The following NASP variants were observed in gnomAD, a reference collection of about 807,000 sequenced individuals.
NASP encodes NASP histone chaperone.
A neutral mutation model predicts 89.5 loss-of-function variants in NASP; 24 were observed. The ratio of observed to expected loss-of-function variants is 0.27; its 90% CI spans 0.19 to 0.38. The LOEUF is 0.38. Ranked by LOEUF, NASP falls within the 10% of genes least tolerant of loss-of-function variation. The pLI, the probability that NASP is intolerant of heterozygous loss-of-function variation, is 1.00. For missense variants in NASP, 848 were observed against 921.4 expected, an observed-to-expected ratio of 0.92 and a Z score of 1.03; for synonymous variants, 306 against 324.7, an observed-to-expected ratio of 0.94 and a Z score of 0.62.
intron 2 of NASP, among the ~76,000 whole-genome samples, chr1:45,596,509 C>T (rs1431429464): frequency 2.0e-5 from 3 of 152,142 alleles, no homozygotes; most frequent in Admixed American, 6.6e-5. Flanking sequence ...GTGTTCTTAA[C>T]GTTCATCCAT....
intron 1 of NASP, among the ~76,000 whole-genome samples, chr1:45,584,870 C>G (rs1268210482): frequency 6.6e-6 from 1 of 152,214 alleles, no homozygotes; most frequent in Admixed American, 6.5e-5. Context: ...ACCTCGCTCA[C>G]GTCTTGTGCT....
At chr1:45,609,729 G>C (rs1203360649) in intron 6 of NASP, 1 of 152,168 alleles carries the variant, frequency 6.6e-6, no homozygotes, top group African/African-American at 2.4e-5. Context: ...ACAATACTAT[G>C]TGATAGGTAG....
Position 45,601,334 on chromosome 1 carries a change from C to A in NASP, c.108-921C>A, listed in dbSNP as rs2148349104. Among the ~76,000 whole-genome samples the A allele has an allele frequency of 2.0e-5, 3 of 152,264 alleles. No individual in the cohort carries two copies. In the South Asian group the frequency reaches 6.2e-4, roughly 32 times the overall value. On this transcript the variant is annotated intron_variant, in intron 2 of 14. Coordinates refer to ENST00000350030, the MANE Select transcript of NASP (RefSeq NM_002482.4). Reference sequence around the variant, plus strand: ...TATTTAGAAAGCCTATGATCCATTGCAGATTAATTTTTGTATGAGATATGA... The same window carrying A: ...TATTTAGAAAGCCTATGATCCATTGAAGATTAATTTTTGTATGAGATATGA...
chr1:45,602,303 A>G lies in NASP; in HGVS notation c.156A>G (p.Lys52=). Residue 52 remains lysine, a synonymous_variant, in exon 3 of 15, where the codon AAA becomes AAG. Transcript: ENST00000350030. Reference sequence around the variant, plus strand: ...AGAAACTATTGGGTTTAGGACAGAAACATCTGGTGATGGGGGATATTCCAG... The same window carrying G: ...AGAAACTATTGGGTTTAGGACAGAAGCATCTGGTGATGGGGGATATTCCAG... The part of the protein sequence containing the change: ...EAKKLLGLGQ[K]HLVMGDIPAA... 6.2e-7 allele frequency: 1 copy of G among 1,613,796 alleles called. No individual in the cohort carries two copies. The highest frequency in any genetic ancestry group is 2.2e-5 in the East Asian group (1 of 44,858).
intron 9 of NASP, 66 bp downstream of exon 9, chr1:45,614,432 T>A (rs1644067587): frequency 7.9e-7 from 1 of 1,264,890 alleles, no homozygotes; most frequent in Non-Finnish European, 1.2e-6. Flanking sequence ...TCTAATAGAT[T>A]CTCTGGAACC....
In NASP at chr1:45,607,836, G is replaced by A. The variant is rs146584753; in HGVS notation, c.925G>A (p.Val309Met). ...SLDPTVKPVDVGGDEPEEKVV... is the reference protein window; with the variant it reads ...SLDPTVKPVDMGGDEPEEKVV... ...AGACCCGACAGTCAAGCCAGTGGAT[G>A]TGGGTGGGGACGAGCCAGAGGAGAA... The change falls in exon 6 of 15, where the codon GTG (valine) becomes ATG (methionine). Residue 309 changes from valine to methionine, a missense_variant. Around this residue, in one of 5 missense-constraint regions of NASP, gnomAD observed 464 missense variants for 469.4 expected, o/e 0.99. Transcript: ENST00000350030. The A allele has an allele frequency of 1.0e-4, 162 of 1,614,176 alleles. No individual in the cohort carries two copies. The African/African-American group carries it at 2.0e-3, about 20-fold the overall frequency.
chr1:45,584,886 A>G (rs547532065), intron 1 of NASP, among the ~76,000 whole-genome samples: 1 of 152,098 alleles, frequency 6.6e-6, no homozygotes, highest in East Asian at 1.9e-4. Context: ...GTGCTGGGAG[A>G]TAGTTATCGC....
chr1:45,616,211 C>G, intron 11 of NASP, 126 bp from the exon 12 acceptor site: 2 of 841,502 alleles, frequency 2.4e-6, no homozygotes, highest in Non-Finnish European at 4.0e-6. Flanking sequence ...GAACTGGATA[C>G]TATATGGAGG....
chr1:45,586,830 A>G (rs1644557791), intron 1 of NASP, among the ~76,000 whole-genome samples: 1 of 151,964 alleles, frequency 6.6e-6, no homozygotes, highest in African/African-American at 2.4e-5. Flanking sequence ...CAGTAGAAAG[A>G]AAAAAAATGG....
In NASP at chr1:45,601,878, C is replaced by T. The variant is rs186329419; in HGVS notation, c.108-377C>T. Among the ~76,000 whole-genome samples, 453 of 150,938 alleles carry T rather than the reference C, an allele frequency of 3.0e-3. 4 individuals carry two copies. Among genetic ancestry groups the T allele is most frequent in the East Asian group, 0.022 (113 of 5,108 alleles). ...CATGCCATTCTACTGCCTCAGCCTC[C>T]CGTAGCTGGGACTACAGGCACCCGC... On this transcript the variant is annotated intron_variant, in intron 2 of 14. Coordinates refer to ENST00000350030, the MANE Select transcript of NASP (RefSeq NM_002482.4).
At chr1:45,606,786 C>CT (rs2148357769) in intron 5 of NASP, 195 bp downstream of exon 5, 1 of 452,410 alleles carries the variant, frequency 2.2e-6, no homozygotes, top group African/African-American at 2.0e-5. Flanking sequence ...AAGAGAATAA[C>CT]TTATTTTCTC....
intron 6 of NASP, 158 bp from the exon 7 acceptor site, chr1:45,613,011 G>T: frequency 9.7e-7 from 1 of 1,028,454 alleles, no homozygotes; most frequent in South Asian, 2.0e-5. Flanking sequence ...GAACTAGACT[G>T]CACCCACTGA....
chr1:45,614,483 AC>A (rs1188269887), intron 9 of NASP, 117 bp downstream of exon 9: 7 of 775,832 alleles, frequency 9.0e-6, no homozygotes, highest in Non-Finnish European at 1.5e-5. Flanking sequence ...TTCCCTGTAG[AC>A]CCTGGAACAA....
intron 6 of NASP, chr1:45,611,877 T>TA (rs1491028186): frequency 7.0e-6 from 1 of 143,076 alleles, no homozygotes; most frequent in East Asian, 2.1e-4. Context: ...TTTTTTTTTT[T>TA]GAGACGGAGT....
chr1:45,587,682 ATATAT>A lies in NASP; in HGVS notation c.59+3478_59+3482del, dbSNP rs1381253319. On this transcript the variant is annotated intron_variant, in intron 1 of 14. Transcript: ENST00000350030. ...TTTTCATATATATATATATATATATATATATAATTAATTTTTTGGAGAGAGAGTCT... is the reference window on the plus strand; with the variant it reads ...TTTTCATATATATATATATATATATAAATTAATTTTTTGGAGAGAGAGTCT... 2.0e-3 allele frequency among the ~76,000 whole-genome samples: 205 copies of A among 102,120 alleles called. 13 individuals carry two copies. The highest frequency in any genetic ancestry group is 0.016 in the Admixed American group (145 of 9,010). 67.0% of individuals were successfully genotyped at this position (102,120 alleles called of 152,430 possible).
intron 7 of NASP, among the ~76,000 whole-genome samples, chr1:45,613,850 C>T (rs1255091450): frequency 1.3e-5 from 2 of 152,078 alleles, no homozygotes; most frequent in South Asian, 4.2e-4. Flanking sequence ...TTATTCATGC[C>T]TAGGATGGGT....
intron 4 of NASP, 142 bp downstream of exon 4, chr1:45,605,158 A>T: frequency 1.5e-6 from 1 of 674,530 alleles, no homozygotes; most frequent in East Asian, 2.6e-5. Context: ...TGTGAATGGC[A>T]CTTGATACAA....
intron 13 of NASP, 67 bp from the exon 14 acceptor site, chr1:45,617,396 A>C: frequency 1.3e-6 from 2 of 1,545,364 alleles, no homozygotes; most frequent in Non-Finnish European, 1.8e-6. Context: ...GGTTAAGGAA[A>C]TGTTTTGCAG....
At chr1:45,598,295 C>G (rs1643749162) in intron 2 of NASP, among the ~76,000 whole-genome samples, 1 of 152,036 alleles carries the variant, frequency 6.6e-6, no homozygotes, top group Admixed American at 6.6e-5. Context: ...CTCAGCCTCC[C>G]AAATAGCTGG....
Sources: gnomAD v4.1 joint callset for allele counts (sites outside exome capture counted in the v4.1 genomes callset) on GRCh38, gnomAD v4.1.1 for gene constraint, gnomAD v4.1.1 regional missense constraint, MANE v1.5 for transcripts, NCBI Gene and HGNC (gene_info 2026-07-23, HGNC 2026-07-21) for gene names.